The following NEB variants were observed in gnomAD, a reference collection of about 807,000 sequenced individuals.
NEB encodes nebulin.
NEB carries 512 observed loss-of-function variants against 952.2 expected under a neutral mutation model. That is an observed-to-expected ratio of 0.54 (90% CI 0.50 to 0.58). The LOEUF (loss-of-function observed/expected upper bound fraction) is 0.58. Ranked by LOEUF, NEB falls within the 20% of genes least tolerant of loss-of-function variation. The pLI, the probability that NEB is intolerant of heterozygous loss-of-function variation, is 0.00. For missense variants in NEB, 8,428 were observed against 9,231.1 expected (o/e 0.91, Z 3.56); for synonymous variants, 2,900 against 3,149.8 (o/e 0.92, Z 2.66).
At chr2:151,624,277 T>G (rs1011308831) in intron 71 of NEB, among the ~76,000 whole-genome samples, 1 of 151,982 alleles carries the variant, frequency 6.6e-6, no homozygotes, top group African/African-American at 2.4e-5. Context: ...AGAAAGTAAA[T>G]CCAGCTGAAA....
At chr2:151,699,089 A>G in intron 13 of NEB, among the ~76,000 whole-genome samples, 1 of 140,460 alleles carries the variant, frequency 7.1e-6, no homozygotes, top group Admixed American at 7.4e-5. Context: ...TTCAGTTCCC[A>G]CCTATGAGTG....
Position 151,575,687 on chromosome 2 carries a change from G to C in NEB, c.17013+8C>G. ...CCAAACAAAAAGAGAGTCTGTTGTA[G>C]TACTTACATTGCTCACATTAAGAGC... is the stretch of plus-strand genomic sequence containing the variant. On this transcript the variant is annotated splice_region_variant and intron_variant, in intron 107 of 181. Coordinates refer to ENST00000397345, the MANE Select transcript of NEB (RefSeq NM_001164508.2). The C allele has an allele frequency of 6.5e-7, 1 of 1,541,094 alleles. No homozygotes were observed.
intron 36 of NEB, among the ~76,000 whole-genome samples, chr2:151,673,440 AAAAAAAAAAG>A (rs1575811292): frequency 6.6e-6 from 1 of 151,976 alleles, no homozygotes; most frequent in South Asian, 2.1e-4. Context: ...AAGTGCTAAA[AAAAAAAAAAG>A]AAAAAAAAAG....
intron 75 of NEB, 129 bp downstream of exon 75, chr2:151,617,235 C>T (rs1445797158): frequency 1.6e-5 from 9 of 571,050 alleles, no homozygotes; most frequent in Non-Finnish European, 2.4e-5. Flanking sequence ...CAAGTGAGAA[C>T]TATCTCTTCT....
rs539502735 is a variant in NEB, at chr2:151,568,854, CT to C, written c.17536-139del. 4.2e-4 allele frequency: 280 copies of C among 672,948 alleles called. No individual in the cohort carries two copies. The African/African-American group carries it at 4.4e-3, about 11-fold the overall frequency. 41.7% of individuals were successfully genotyped at this position (672,948 alleles called of 1,614,324 possible). ...GAATAGCGTCTTCTTGGGAATTTGG[CT>C]TTCTTTTTAGCATTTTATTTTTTAA... On this transcript the variant is annotated intron_variant, in intron 110 of 181. Coordinates refer to ENST00000397345, the MANE Select transcript of NEB (RefSeq NM_001164508.2).
intron 151 of NEB, among the ~76,000 whole-genome samples, 175 bp downstream of exon 151, chr2:151,524,988 G>A (rs1456460693): frequency 6.6e-6 from 1 of 151,984 alleles, no homozygotes; most frequent in Non-Finnish European, 1.5e-5. Flanking sequence ...CTTTCTAAAA[G>A]TCCCCATTAA....
rs765270504 is a variant in NEB at position 151,658,002 on chromosome 2, G to A, written c.6164C>T (p.Ser2055Phe). Reference sequence around the variant, plus strand: ...ACTTACATCACTTGCAATATCTCTGGAAGCCTTGGCAGCTTTGATAGGAAT... The same window carrying A: ...ACTTACATCACTTGCAATATCTCTGAAAGCCTTGGCAGCTTTGATAGGAAT... ...DAIPIKAAKA[S>F]RDIASDYKYK... Residue 2055 changes from serine to phenylalanine, a missense_variant, in exon 48 of 182, where the codon TCC becomes TTC. Ser to Phe is a radical substitution (Grantham distance 155). Around this residue, in one of 11 missense-constraint regions of NEB, gnomAD observed 2,851 missense variants for 2,791.5 expected, o/e 1.02. Coordinates refer to ENST00000397345, the MANE Select transcript of NEB (RefSeq NM_001164508.2). The A allele has an allele frequency of 8.1e-6, 13 of 1,608,224 alleles. No homozygotes were observed. The South Asian group carries it at 1.4e-4, about 18-fold the overall frequency.
At chr2:151,620,253 T>C (rs1439561854) in intron 72 of NEB, among the ~76,000 whole-genome samples, 1 of 150,186 alleles carries the variant, frequency 6.7e-6, no homozygotes, top group Non-Finnish European at 1.5e-5. Context: ...TGGAAATCTG[T>C]TGTACAATAA....
intron 122 of NEB, 24 bp downstream of exon 122, chr2:151,561,184 G>T (rs2096018447): frequency 6.3e-7 from 1 of 1,585,788 alleles, no homozygotes; most frequent in African/African-American, 1.3e-5. Flanking sequence ...TTTGTCCCTG[G>T]AAGAGGAGTA....
rs578126100 is a variant in NEB at position 151,664,035 on chromosome 2, C to T, written c.5452-176G>A. Among the ~76,000 whole-genome samples the T allele has an allele frequency of 4.0e-5, 6 of 150,212 alleles. No individual in the cohort carries two copies. The South Asian group carries it at 1.3e-3, about 32-fold the overall frequency. ...CTTTTTACTTCATTTTTTTTTTTCC[C>T]GAGACTTGAGTCCATGGAAAGAAAA... On this transcript the variant is annotated intron_variant, in intron 44 of 181. Transcript: ENST00000397345.
At chr2:151,551,123 A>G (rs774995539) in intron 129 of NEB, among the ~76,000 whole-genome samples, 18 of 151,658 alleles carry the variant, frequency 1.2e-4, no homozygotes, top group South Asian at 2.1e-4. Context: ...ATGCACTGCC[A>G]TATCTGGCTA....
chr2:151,637,101 C>T (rs967075232), intron 63 of NEB, among the ~76,000 whole-genome samples: 1 of 152,022 alleles, frequency 6.6e-6, no homozygotes, highest in African/African-American at 2.4e-5. Context: ...AGGTTGAGAC[C>T]CCTCTCAACC....
chr2:151,548,932 G>T (rs2095043523), intron 130 of NEB, among the ~76,000 whole-genome samples: 1 of 152,158 alleles, frequency 6.6e-6, no homozygotes. Context: ...TAGCACAGAG[G>T]GAGAGCTTAT....
intron 154 of NEB, 55 bp downstream of exon 154, chr2:151,519,601 AAC>A: frequency 7.7e-7 from 1 of 1,305,006 alleles, no homozygotes; most frequent in Non-Finnish European, 1.1e-6. Flanking sequence ...CACACTTAAA[AAC>A]AGTTAAAATG....
In NEB at chr2:151,614,523, T is replaced by A. The variant is rs2153992965; in HGVS notation, c.11354A>T (p.Asp3785Val). 2 of 1,613,922 alleles carry A rather than the reference T, an allele frequency of 1.2e-6. No homozygotes were observed. The highest frequency in any genetic ancestry group is 4.5e-5 in the East Asian group (2 of 44,876). Reference protein sequence around the residue: ...GHHIGARNIKDDPKMMWSIHV... With the variant: ...GHHIGARNIKVDPKMMWSIHV... ...GATGGACCACATCATCTTCGGGTCA[T>A]CCTTAATGTTCCGGGCCCCAATATG... Residue 3785 changes from aspartate (D) to valine (V), a missense_variant, in exon 77 of 182, where the codon GAT (aspartate) becomes GTT (valine). Around this residue, in one of 11 missense-constraint regions of NEB, gnomAD observed 1,772 missense variants for 1,960.3 expected, o/e 0.90. Transcript: ENST00000397345.
rs1302503520 is a variant in NEB, at chr2:151,612,560, G to C, written c.11602-171C>G. ...GTTTAGAATGGCTAGTTAAATGCCT[G>C]GCTCCTGAAGGTAGCCAATATTTAC... On this transcript the variant is annotated intron_variant, in intron 77 of 181. Coordinates refer to ENST00000397345, the MANE Select transcript of NEB (RefSeq NM_001164508.2). Among the ~76,000 whole-genome samples the C allele has an allele frequency of 2.6e-5, 4 of 152,122 alleles. No homozygotes were observed. In the South Asian group the frequency reaches 8.3e-4, roughly 32 times the overall value.
chr2:151,678,153 C>T lies in NEB; in HGVS notation c.3290G>A (p.Gly1097Glu), dbSNP rs866591014. ...QYKKDYEKAK[G>E]KMVGFQSLQD... is the part of the protein sequence containing the mutation. ...AAGACTTTGGAAGCCAACCATTTTC[C>T]CTTTAGCCTTTTCATAGTCTTTTTT... The change falls in exon 33 of 182, where the codon GGG becomes GAG. Residue 1097 changes from glycine to glutamate, a missense_variant. Gly to Glu is a moderately conservative substitution (Grantham distance 98, BLOSUM62 -2). Transcript: ENST00000397345. 1 of 1,610,990 alleles carries T rather than the reference C, an allele frequency of 6.2e-7. No homozygotes were observed. The highest frequency in any genetic ancestry group is 8.5e-7 in the Non-Finnish European group (1 of 1,178,392).
chr2:151,496,667 A>G (rs2060430185), intron 172 of NEB, among the ~76,000 whole-genome samples: 1 of 152,114 alleles, frequency 6.6e-6, no homozygotes. Flanking sequence ...TGAGGATTTG[A>G]GACTGTTAGA....
chr2:151,553,755 G>A, intron 126 of NEB, 73 bp downstream of exon 126: 2 of 1,390,226 alleles, frequency 1.4e-6, no homozygotes. Flanking sequence ...AAAGAAATGG[G>A]TGAGTTTGCT....
Sources: allele counts gnomAD v4.1 joint callset (sites outside exome capture counted in the v4.1 genomes callset), GRCh38; gene constraint gnomAD v4.1.1; regional missense constraint gnomAD v4.1.1; transcripts MANE v1.5; gene names NCBI Gene and HGNC (gene_info 2026-07-23, HGNC 2026-07-21).